The following CDH12 variants were observed in gnomAD, a reference collection of about 807,000 sequenced individuals.
CDH12 encodes cadherin-12.
In CDH12, 41 loss-of-function variants were observed where a neutral mutation model predicts 74.1. The observed-to-expected ratio is 0.55, with a 90% CI of 0.43 to 0.72. The LOEUF (loss-of-function observed/expected upper bound fraction) is 0.72. CDH12 is among the 30% of genes least tolerant of loss of function. The pLI is 0.00. For synonymous variants in CDH12, 399 were observed against 355.0 expected (o/e 1.12, Z -1.39); for missense variants, 945 against 977.2 (o/e 0.97, Z 0.44).
chr5:22,186,851 T>C (rs750826405), intron 4 of CDH12, among the ~76,000 whole-genome samples: 1 of 152,170 alleles, frequency 6.6e-6, no homozygotes, highest in Non-Finnish European at 1.5e-5. Context: ...ATGGAAAATG[T>C]ATACTTCCAA....
At chr5:21,902,560 T>C (rs1753441220) in intron 6 of CDH12, among the ~76,000 whole-genome samples, 1 of 152,026 alleles carries the variant, frequency 6.6e-6, no homozygotes, top group African/African-American at 2.4e-5. Context: ...CAGAAAGAGT[T>C]AAAAGAGAAT....
At chr5:22,142,357 G>C in intron 4 of CDH12, 1 of 434,232 alleles carries the variant, frequency 2.3e-6, no homozygotes, top group Non-Finnish European at 4.4e-6. Flanking sequence ...TGCTAGGGTA[G>C]TAGAACAATG....
chr5:22,653,365 A>C (rs1020165937), intron 1 of CDH12, among the ~76,000 whole-genome samples: 1 of 152,094 alleles, frequency 6.6e-6, no homozygotes, highest in Non-Finnish European at 1.5e-5. Context: ...TAAATATTAA[A>C]TGCTTGATTA....
intron 4 of CDH12, among the ~76,000 whole-genome samples, chr5:22,102,500 C>G (rs539638476): frequency 1.3e-5 from 2 of 152,158 alleles, no homozygotes; most frequent in East Asian, 3.9e-4. Context: ...GAAGCCCCGT[C>G]TCTACTAAAA....
chr5:22,389,714 C>G (rs1037176634), intron 3 of CDH12, among the ~76,000 whole-genome samples: 1 of 147,902 alleles, frequency 6.8e-6, no homozygotes, highest in African/African-American at 2.5e-5. Context: ...GTGGCATGGT[C>G]TCAGCTCACT....
At chr5:22,643,752 TTTTTTTTTC>T (rs1274478941) in intron 1 of CDH12, among the ~76,000 whole-genome samples, 14 of 138,056 alleles carry the variant, frequency 1.0e-4, no homozygotes, top group South Asian at 7.1e-4. Context: ...TTTTTTTTTT[TTTTTTTTTC>T]CACAAATTGA....
At chr5:22,681,297 C>G (rs985664597) in intron 1 of CDH12, among the ~76,000 whole-genome samples, 1 of 146,512 alleles carries the variant, frequency 6.8e-6, no homozygotes, top group Non-Finnish European at 1.5e-5. Context: ...GTTTTTTTTT[C>G]TAACTATTGA....
In CDH12 at chr5:22,005,136, G is replaced by A. The variant is rs182540636; in HGVS notation, c.232-29751C>T. ...GCTCACTGCAGCCTTTGCCTCCTGG[G>A]TTCCAGCGATTCTCCTGCCTCAGCC... On this transcript the variant is annotated intron_variant, in intron 5 of 14. Coordinates refer to ENST00000382254, the MANE Select transcript of CDH12 (RefSeq NM_004061.5). Among the ~76,000 whole-genome samples, 601 of 152,204 alleles carry A rather than the reference G, an allele frequency of 3.9e-3. 9 individuals carry two copies. The highest frequency in any genetic ancestry group is 0.014 in the African/African-American group (567 of 41,538).
In CDH12 at chr5:22,504,528, A is replaced by G. The variant is rs534541951; in HGVS notation, c.-428+742T>C. On this transcript the variant is annotated intron_variant, in intron 2 of 14. Transcript: ENST00000382254. ...TTCTGAGTTGTTATATCAATGGTTAATCTTAACTGATCTCTGATTAGAACT... is the reference window on the plus strand; with the variant it reads ...TTCTGAGTTGTTATATCAATGGTTAGTCTTAACTGATCTCTGATTAGAACT... Among the ~76,000 whole-genome samples, 28 of 152,170 alleles carry G rather than the reference A, an allele frequency of 1.8e-4. No individual in the cohort carries two copies. The South Asian group carries it at 5.4e-3, about 29-fold the overall frequency.
At position 21,941,041 on chromosome 5, in the gene CDH12, T is replaced by C. The variant is rs142935361; in HGVS notation, c.526+34050A>G. On this transcript the variant is annotated intron_variant, in intron 6 of 14. Transcript: ENST00000382254. ...AAAGACTTCCAAGCTTTGAATATTC[T>C]TTTTGCTTCAAAAGGAACTGAAAAT... Among the ~76,000 whole-genome samples, 10 of 152,350 alleles carry C rather than the reference T, an allele frequency of 6.6e-5. No homozygotes were observed. In the East Asian group the frequency reaches 1.9e-3, roughly 29 times the overall value.
intron 1 of CDH12, among the ~76,000 whole-genome samples, chr5:22,669,277 A>T (rs1166186335): frequency 6.6e-6 from 1 of 152,212 alleles, no homozygotes; most frequent in Non-Finnish European, 1.5e-5. Flanking sequence ...TTATTTTCTC[A>T]TTTGAAGCTG....
chr5:22,366,784 A>T, intron 3 of CDH12, among the ~76,000 whole-genome samples: 1 of 152,228 alleles, frequency 6.6e-6, no homozygotes, highest in East Asian at 1.9e-4. Context: ...TATTCATTTA[A>T]TAGCAAACTA....
At chr5:22,541,740 C>T (rs1020361422) in intron 1 of CDH12, among the ~76,000 whole-genome samples, 11 of 152,136 alleles carry the variant, frequency 7.2e-5, no homozygotes, top group Admixed American at 1.3e-4. Context: ...AAAGGAGAGA[C>T]CAAGGATCTA....
chr5:22,463,628 A>G (rs1214987056), intron 2 of CDH12, among the ~76,000 whole-genome samples: 3 of 152,126 alleles, frequency 2.0e-5, no homozygotes, highest in African/African-American at 7.2e-5. Context: ...GAAGGTTGTA[A>G]TACCCTCTCA....
At chr5:21,842,387 T>C (rs549616041) in intron 7 of CDH12, 59 bp from the exon 8 acceptor site, 1 of 1,187,906 alleles carries the variant, frequency 8.4e-7, no homozygotes, top group Non-Finnish European at 1.2e-6. Flanking sequence ...TTTTCTGAAA[T>C]AAAATAAAAT....
At chr5:22,288,734 CAG>C (rs1737262350) in intron 3 of CDH12, among the ~76,000 whole-genome samples, 1 of 152,084 alleles carries the variant, frequency 6.6e-6, no homozygotes, top group South Asian at 2.1e-4. Context: ...CCTTAGAAGA[CAG>C]TAGTCATTTT....
At chr5:22,043,811 C>T (rs568744207) in intron 5 of CDH12, among the ~76,000 whole-genome samples, 1 of 151,748 alleles carries the variant, frequency 6.6e-6, no homozygotes, top group Non-Finnish European at 1.5e-5. Flanking sequence ...CAGTTAACTA[C>T]CTAAAAAATA....
At chr5:22,190,485 G>A (rs981248510) in intron 4 of CDH12, among the ~76,000 whole-genome samples, 3 of 151,728 alleles carry the variant, frequency 2.0e-5, no homozygotes, top group Non-Finnish European at 4.4e-5. Context: ...TTTAAAATGA[G>A]TGTTTTCTTT....
At chr5:22,592,344 C>T (rs1419279141) in intron 1 of CDH12, among the ~76,000 whole-genome samples, 1 of 152,108 alleles carries the variant, frequency 6.6e-6, no homozygotes, top group East Asian at 1.9e-4. Context: ...CTTCTTTCCT[C>T]TCTTCTCTCA....
Sources: allele counts gnomAD v4.1 joint callset (sites outside exome capture counted in the v4.1 genomes callset), GRCh38; gene constraint gnomAD v4.1.1; transcripts MANE v1.5; gene names NCBI Gene and HGNC (gene_info 2026-07-23, HGNC 2026-07-21).